Variants in ZNF341 observed in about 807,000 individuals in gnomAD.
ZNF341 encodes the protein zinc finger protein 341.
In ZNF341, 52 loss-of-function variants were observed where a neutral mutation model predicts 87.7. The ratio of observed to expected loss-of-function variants is 0.59; its 90% CI spans 0.47 to 0.75. ZNF341 has a LOEUF of 0.75. ZNF341 is among the 30% of genes least tolerant of loss of function. The pLI is 0.00. For missense variants in ZNF341, 977 were observed against 1,145.9 expected (o/e 0.85, Z 2.13); for synonymous variants, 459 against 472.7 (o/e 0.97, Z 0.38).
chr20:33,752,415 G>A, intron 4 of ZNF341: 1 of 623,128 alleles, frequency 1.6e-6, no homozygotes, highest in South Asian at 1.4e-5. Flanking sequence ...TTGAGTGCCT[G>A]AGGAGCACGC....
At chr20:33,789,001 G>C (rs372914230) in intron 13 of ZNF341, 27 bp downstream of exon 13, 5 of 1,582,234 alleles carry the variant, frequency 3.2e-6, no homozygotes, top group Admixed American at 1.7e-5. Flanking sequence ...ATGCAGGGGG[G>C]TGGGTAGCGG....
rs567801694 is a variant in ZNF341 at position 33,737,843 on chromosome 20, A to G, written c.32-3059A>G. On this transcript the variant is annotated intron_variant, in intron 1 of 14. Transcript: ENST00000375200. Reference sequence around the variant, plus strand: ...CAAAAGGCTAATCTTAGGTTCTATAATAATGATGTTGGGGCCAGGTGCGGT... The same window carrying G: ...CAAAAGGCTAATCTTAGGTTCTATAGTAATGATGTTGGGGCCAGGTGCGGT... Among the ~76,000 whole-genome samples, 54 of 152,170 alleles carry G rather than the reference A, an allele frequency of 3.5e-4. No homozygotes were observed. The South Asian group carries it at 5.6e-3, about 16-fold the overall frequency.
At position 33,783,725 on chromosome 20, in the gene ZNF341, C is replaced by T. The variant is rs200898607; in HGVS notation, c.1720-7C>T. ...AGTCAGACCTGAAGGCCCCTCTTCTCTCCCAGGTGTTTCCTTGTGAACGCT... is the reference window on the plus strand; with the variant it reads ...AGTCAGACCTGAAGGCCCCTCTTCTTTCCCAGGTGTTTCCTTGTGAACGCT... On this transcript the variant is annotated splice_region_variant and splice_polypyrimidine_tract_variant and intron_variant, in intron 11 of 14. Transcript: ENST00000375200. The T allele has an allele frequency of 6.2e-7, 1 of 1,613,846 alleles. No homozygotes were observed. The highest frequency in any genetic ancestry group is 2.2e-5 in the East Asian group (1 of 44,876).
At chr20:33,764,615 C>G (rs1438655727) in intron 8 of ZNF341, among the ~76,000 whole-genome samples, 4 of 123,746 alleles carry the variant, frequency 3.2e-5, no homozygotes, top group African/African-American at 1.3e-4. Flanking sequence ...CTCTGTCGCC[C>G]AGGCTGGAGT....
chr20:33,732,015 C>G lies in ZNF341; in HGVS notation c.-7C>G, dbSNP rs536226894. The G allele has an allele frequency of 7.0e-7, 1 of 1,425,798 alleles. No individual in the cohort carries two copies. Among genetic ancestry groups the G allele is most frequent in the Non-Finnish European group, 9.2e-7 (1 of 1,084,518 alleles). 88.3% of individuals were successfully genotyped at this position (1,425,798 alleles called of 1,614,324 possible). On this transcript the variant is annotated 5_prime_UTR_variant, in exon 1 of 15. Transcript: ENST00000375200. The surrounding 1 kb of genome is among the most constrained non-coding windows in gnomAD (Gnocchi z 4.5). ...GTTCCTGTGGCGGCGACGGCGGCGG[C>G]TCCAAGATGGCGCAGGCGATCTTTG...
chr20:33,750,171 G>C (rs1215915344), intron 4 of ZNF341, among the ~76,000 whole-genome samples: 1 of 152,178 alleles, frequency 6.6e-6, no homozygotes, highest in Non-Finnish European at 1.5e-5. Flanking sequence ...TGTCCAGGCT[G>C]ATCTTGAACT....
chr20:33,764,112 C>A (rs556970270), intron 8 of ZNF341, among the ~76,000 whole-genome samples: 14 of 150,862 alleles, frequency 9.3e-5, no homozygotes, highest in Middle Eastern at 3.4e-3. Flanking sequence ...GCAAGCTCCG[C>A]CTCCTGGGTT....
At chr20:33,753,091 C>T in intron 4 of ZNF341, 81 bp from the exon 5 acceptor site, 1 of 1,593,310 alleles carries the variant, frequency 6.3e-7, no homozygotes, top group African/African-American at 1.3e-5. Context: ...ACCTGGCTGG[C>T]TAAAGCAAAT....
At chr20:33,777,634 C>CA (rs1234459219) in intron 10 of ZNF341, among the ~76,000 whole-genome samples, 2,980 of 82,222 alleles carry the variant, frequency 0.036, 88 homozygotes, top group African/African-American at 0.12. Flanking sequence ...ACTCTTGTCT[C>CA]AAAAAAAAAA....
chr20:33,742,399 G>A (rs1046132564), intron 2 of ZNF341, among the ~76,000 whole-genome samples: 1 of 152,064 alleles, frequency 6.6e-6, no homozygotes, highest in African/African-American at 2.4e-5. Flanking sequence ...GTTTCACCAC[G>A]TTGGTCAGGC....
intron 12 of ZNF341, among the ~76,000 whole-genome samples, chr20:33,785,027 A>T (rs952187237): frequency 1.3e-5 from 2 of 152,112 alleles, no homozygotes; most frequent in Non-Finnish European, 1.5e-5. Context: ...GTTGAAACAC[A>T]CTGACATTTT....
intron 5 of ZNF341, 106 bp from the exon 6 acceptor site, chr20:33,757,038 TGTAG>T: frequency 1.1e-6 from 1 of 873,532 alleles, no homozygotes; most frequent in East Asian, 3.0e-5. Context: ...GTGATGGTGA[TGTAG>T]GGGAGAGCGG....
chr20:33,780,551 G>T (rs2019720875), intron 10 of ZNF341, among the ~76,000 whole-genome samples: 1 of 152,000 alleles, frequency 6.6e-6, no homozygotes, highest in South Asian at 2.1e-4. Flanking sequence ...GGGATTACAG[G>T]TCCACGCTAC....
At chr20:33,736,372 G>A (rs779693380) in intron 1 of ZNF341, among the ~76,000 whole-genome samples, 4 of 151,902 alleles carry the variant, frequency 2.6e-5, no homozygotes, top group East Asian at 1.9e-4. Context: ...AGTCATCCCC[G>A]GGCTTGGGCC....
At chr20:33,739,591 GAT>G (rs1424410013) in intron 1 of ZNF341, among the ~76,000 whole-genome samples, 9 of 152,174 alleles carry the variant, frequency 5.9e-5, no homozygotes, top group East Asian at 1.9e-4. Context: ...GAACAAAAAA[GAT>G]AGACACACAT....
chr20:33,778,451 C>G (rs58873976), intron 10 of ZNF341, among the ~76,000 whole-genome samples: 2,407 of 152,250 alleles, frequency 0.016, 54 homozygotes, highest in African/African-American at 0.056. Context: ...GCTGGGATTA[C>G]AGGTGTGAGC....
At chr20:33,752,118 C>CTTTTTTTTTT in intron 4 of ZNF341, 1 of 330,720 alleles carries the variant, frequency 3.0e-6, no homozygotes, top group Non-Finnish European at 5.7e-6. Flanking sequence ...GCCCCCCCCC[C>CTTTTTTTTTT]TTTTTTTTTA....
chr20:33,745,267 G>A lies in ZNF341; in HGVS notation c.307G>A (p.Val103Ile), dbSNP rs759082209. 11 of 1,613,574 alleles carry A rather than the reference G, an allele frequency of 6.8e-6. No individual in the cohort carries two copies. In the East Asian group the frequency reaches 2.2e-4, roughly 33 times the overall value. The change falls in exon 3 of 15, where the codon GTC becomes ATC. Residue 103 changes from valine to isoleucine, a missense_variant. Coordinates refer to ENST00000375200, the MANE Select transcript of ZNF341 (RefSeq NM_001282933.2). Reference sequence around the variant, plus strand: ...CCCACCTTCGGCAGCACCCACAGCGGTCCAGCAGGCCCCAACTCCTGCCAA... The same window carrying A: ...CCCACCTTCGGCAGCACCCACAGCGATCCAGCAGGCCCCAACTCCTGCCAA... ...IYPPSAAPTA[V>I]QQAPTPANRQ...
Position 33,766,963 on chromosome 20 carries a change from C to T in ZNF341, c.1335C>T (p.Tyr445=). The change falls in exon 9 of 15, where the codon TAC becomes TAT. Residue 445 remains tyrosine (Y), a synonymous_variant. Coordinates refer to ENST00000375200, the MANE Select transcript of ZNF341 (RefSeq NM_001282933.2). ...SKQVVLIDSS[Y]LCQFCPSKFS... ...AGGTGGTCCTCATCGACAGCTCCTA[C>T]CTGTGCCAATTCTGCCCCAGCAAAT... 1 of 1,614,202 alleles carries T rather than the reference C, an allele frequency of 6.2e-7. No individual in the cohort carries two copies. The highest frequency in any genetic ancestry group is 8.5e-7 in the Non-Finnish European group (1 of 1,180,026).
Sources: allele counts gnomAD v4.1 joint callset (sites outside exome capture counted in the v4.1 genomes callset), GRCh38; gene constraint gnomAD v4.1.1; non-coding constraint Gnocchi (gnomAD v3.1); transcripts MANE v1.5; gene names NCBI Gene and HGNC (gene_info 2026-07-23, HGNC 2026-07-21).